Variants in CACNA2D3 observed in about 807,000 individuals in gnomAD.
CACNA2D3 encodes voltage-dependent calcium channel subunit alpha-2/delta-3.
A neutral mutation model predicts 160.6 loss-of-function variants in CACNA2D3; 60 were observed. The ratio of observed to expected loss-of-function variants is 0.37; its 90% CI spans 0.30 to 0.46. The LOEUF is 0.46. Ranked by LOEUF, CACNA2D3 falls within the 20% of genes least tolerant of loss-of-function variation. The pLI, the probability that CACNA2D3 is intolerant of heterozygous loss-of-function variation, is 1.00. For missense variants in CACNA2D3, 1,205 were observed against 1,365.0 expected, an observed-to-expected ratio of 0.88 and a Z score of 1.85; for synonymous variants, 558 against 492.9, an observed-to-expected ratio of 1.13 and a Z score of -1.75.
At chr3:54,975,655 G>A (rs1477971775) in intron 29 of CACNA2D3, among the ~76,000 whole-genome samples, 4 of 151,984 alleles carry the variant, frequency 2.6e-5, no homozygotes, top group African/African-American at 4.8e-5. Context: ...CTAGGATGTA[G>A]AGCAATCTTA....
At chr3:54,935,629 CA>C (rs770974544) in intron 27 of CACNA2D3, among the ~76,000 whole-genome samples, 71 of 152,320 alleles carry the variant, frequency 4.7e-4, no homozygotes, top group Non-Finnish European at 7.9e-4. Flanking sequence ...CTCATGTTAA[CA>C]CATGAAATGA....
At chr3:54,333,672 G>A (rs1281753434) in intron 3 of CACNA2D3, among the ~76,000 whole-genome samples, 1 of 151,794 alleles carries the variant, frequency 6.6e-6, no homozygotes, top group African/African-American at 2.4e-5. Context: ...CCTCTATTGT[G>A]CTGGGAGAAA....
chr3:54,158,957 G>C (rs1468814261), intron 2 of CACNA2D3, among the ~76,000 whole-genome samples: 3 of 152,134 alleles, frequency 2.0e-5, no homozygotes, highest in Non-Finnish European at 4.4e-5. Flanking sequence ...TTATGAGTGG[G>C]GGTGATCTGT....
At chr3:54,513,281 C>T (rs1701488717) in intron 5 of CACNA2D3, among the ~76,000 whole-genome samples, 1 of 152,164 alleles carries the variant, frequency 6.6e-6, no homozygotes. Flanking sequence ...CAAATCCAAG[C>T]TGATGGAAAC....
chr3:54,271,996 C>T lies in CACNA2D3; in HGVS notation c.205-48446C>T, dbSNP rs539778000. On this transcript the variant is annotated intron_variant, in intron 2 of 37. Transcript: ENST00000474759. ...ATCTAGATAGTGATCAGGGAGCGAG[C>T]TGTTTTCATCTTGTTTCAGTATAAA... 3.9e-5 allele frequency among the ~76,000 whole-genome samples: 6 copies of T among 152,292 alleles called. No homozygotes were observed. In the South Asian group the frequency reaches 1.2e-3, roughly 32 times the overall value.
At chr3:54,809,487 T>A (rs940163827) in intron 13 of CACNA2D3, among the ~76,000 whole-genome samples, 74 of 143,638 alleles carry the variant, frequency 5.2e-4, no homozygotes, top group Middle Eastern at 3.5e-3. Context: ...CCCGGCTAAT[T>A]TTTTGTATTT....
At chr3:54,996,395 C>T (rs1455991289) in intron 31 of CACNA2D3, among the ~76,000 whole-genome samples, 2 of 152,214 alleles carry the variant, frequency 1.3e-5, no homozygotes, top group Non-Finnish European at 1.5e-5. Context: ...GGAGGGGCTG[C>T]GTGAATGGGC....
chr3:54,997,394 T>C (rs1033470820), intron 31 of CACNA2D3, among the ~76,000 whole-genome samples: 2 of 151,908 alleles, frequency 1.3e-5, no homozygotes, highest in Admixed American at 6.6e-5. Flanking sequence ...AGATGCTAGG[T>C]ATCATCATGT....
intron 11 of CACNA2D3, among the ~76,000 whole-genome samples, chr3:54,751,442 A>C (rs1009811889): frequency 6.7e-6 from 1 of 150,310 alleles, no homozygotes; most frequent in Admixed American, 6.6e-5. Flanking sequence ...TTTATAATCC[A>C]CTGTAAGCGT....
intron 5 of CACNA2D3, among the ~76,000 whole-genome samples, chr3:54,532,224 T>G (rs1051298470): frequency 6.6e-6 from 1 of 152,234 alleles, no homozygotes; most frequent in African/African-American, 2.4e-5. Context: ...ATTGTTCTGC[T>G]TTGAGATGCT....
At chr3:54,401,824 T>C (rs889296064) in intron 4 of CACNA2D3, among the ~76,000 whole-genome samples, 1 of 152,158 alleles carries the variant, frequency 6.6e-6, no homozygotes, top group African/African-American at 2.4e-5. Context: ...TAAAATTCAA[T>C]GGTAAAGGTC....
intron 11 of CACNA2D3, among the ~76,000 whole-genome samples, chr3:54,686,106 C>G (rs565191343): frequency 1.3e-5 from 2 of 152,364 alleles, no homozygotes; most frequent in East Asian, 3.9e-4. Flanking sequence ...ATCTCCCTAT[C>G]TAGCTAGACC....
At chr3:54,725,080 TATC>T (rs1701251598) in intron 11 of CACNA2D3, among the ~76,000 whole-genome samples, 1 of 152,166 alleles carries the variant, frequency 6.6e-6, no homozygotes, top group East Asian at 1.9e-4. Flanking sequence ...ATATAGGGGA[TATC>T]ACCACTGAAC....
At chr3:54,215,889 T>TTG (rs1383547638) in intron 2 of CACNA2D3, among the ~76,000 whole-genome samples, 2 of 151,914 alleles carry the variant, frequency 1.3e-5, no homozygotes, top group African/African-American at 4.8e-5. Flanking sequence ...CTTTTCTTTT[T>TTG]TTTTTCTTGT....
At chr3:54,476,378 G>C (rs1191740661) in intron 4 of CACNA2D3, among the ~76,000 whole-genome samples, 1 of 151,872 alleles carries the variant, frequency 6.6e-6, no homozygotes, top group East Asian at 1.9e-4. Context: ...TGGGTGTGCA[G>C]CTGTCTCTTT....
At chr3:54,762,858 G>A (rs1318475572) in intron 12 of CACNA2D3, among the ~76,000 whole-genome samples, 3 of 152,176 alleles carry the variant, frequency 2.0e-5, no homozygotes, top group African/African-American at 4.8e-5. Context: ...TTGGGAGGCC[G>A]AGGCAGGCGG....
intron 4 of CACNA2D3, among the ~76,000 whole-genome samples, chr3:54,454,031 T>C (rs934718172): frequency 2.0e-5 from 3 of 152,156 alleles, no homozygotes; most frequent in Non-Finnish European, 4.4e-5. Context: ...ACTGATGTCC[T>C]TCTAATTTGT....
chr3:54,800,936 C>T (rs1171472135), intron 13 of CACNA2D3, among the ~76,000 whole-genome samples: 4 of 151,870 alleles, frequency 2.6e-5, no homozygotes. Flanking sequence ...TCATTCAGAC[C>T]CTGGGAAAGG....
At chr3:54,944,223 C>T (rs981970575) in intron 27 of CACNA2D3, among the ~76,000 whole-genome samples, 5 of 152,024 alleles carry the variant, frequency 3.3e-5, no homozygotes, top group African/African-American at 7.2e-5. Flanking sequence ...TGCTGAGGAC[C>T]TGCGAACTCT....
Sources: gnomAD v4.1 joint callset for allele counts (sites outside exome capture counted in the v4.1 genomes callset) on GRCh38, gnomAD v4.1.1 for gene constraint, MANE v1.5 for transcripts, NCBI Gene and HGNC (gene_info 2026-07-23, HGNC 2026-07-21) for gene names.